The following RUFY3 variants were observed in gnomAD, a reference collection of about 807,000 sequenced individuals.
RUFY3 encodes RUN and FYVE domain containing 3.
In RUFY3, 34 loss-of-function variants were observed where a neutral mutation model predicts 84.0. The observed-to-expected ratio is 0.40, with a 90% CI of 0.31 to 0.54. The LOEUF is 0.54. RUFY3 is among the 20% of genes least tolerant of loss of function. RUFY3 has a pLI of 0.39. For missense variants in RUFY3, 507 were observed against 736.8 expected (o/e 0.69, Z 3.61); for synonymous variants, 242 against 252.9 (o/e 0.96, Z 0.41).
At chr4:70,732,989 C>A (rs1048508842) in intron 1 of RUFY3, among the ~76,000 whole-genome samples, 1 of 151,532 alleles carries the variant, frequency 6.6e-6, no homozygotes, top group Non-Finnish European at 1.5e-5. Context: ...ATCACTTGAA[C>A]TCGGGAGGCG....
chr4:70,789,784 C>A, intron 12 of RUFY3, 192 bp downstream of exon 12: 1 of 1,220,860 alleles, frequency 8.2e-7, no homozygotes, highest in Non-Finnish European at 1.0e-6. Flanking sequence ...TAGGAAATGT[C>A]AATCACTTGA....
At chr4:70,718,429 G>A (rs528283581), upstream of RUFY3, among the ~76,000 whole-genome samples, 2 of 152,204 alleles carry the variant, frequency 1.3e-5, no homozygotes, top group South Asian at 2.1e-4. Context: ...CAGCTAGAAC[G>A]TAGTATTTTT....
chr4:70,796,339 T>C (rs1731501364), intron 14 of RUFY3, among the ~76,000 whole-genome samples: 1 of 152,262 alleles, frequency 6.6e-6, no homozygotes, highest in Non-Finnish European at 1.5e-5. Flanking sequence ...CGTCTGCTTT[T>C]GCTTTGATTG....
intron 1 of RUFY3, chr4:70,734,366 T>G: frequency 1.0e-6 from 1 of 984,416 alleles, no homozygotes; most frequent in Non-Finnish European, 1.2e-6. Context: ...CTTGGTGAGA[T>G]TACAGAAACA....
At chr4:70,797,942 T>A (rs1267219988) in intron 14 of RUFY3, among the ~76,000 whole-genome samples, 1 of 152,232 alleles carries the variant, frequency 6.6e-6, no homozygotes, top group East Asian at 1.9e-4. Context: ...TACAAAAGTT[T>A]ACTTAAAATC....
chr4:70,720,743 AAAAC>A (rs1008990120), upstream of RUFY3, among the ~76,000 whole-genome samples: 21 of 152,208 alleles, frequency 1.4e-4, no homozygotes, highest in Non-Finnish European at 1.8e-4. Flanking sequence ...CTTCAATACA[AAAAC>A]AAACAAACAC....
chr4:70,791,768 CTG>C, intron 12 of RUFY3: 2 of 988,866 alleles, frequency 2.0e-6, no homozygotes, highest in Non-Finnish European at 2.4e-6. Context: ...TAAAATAGTT[CTG>C]TGTCTCTTAG....
At chr4:70,774,379 C>T (rs1727475791) in intron 6 of RUFY3, among the ~76,000 whole-genome samples, 1 of 150,152 alleles carries the variant, frequency 6.7e-6, no homozygotes, top group Non-Finnish European at 1.5e-5. Context: ...GAGGCCGAGG[C>T]AGGCAGATGA....
rs370105365 is a variant in RUFY3, at chr4:70,806,475, T to C, written c.1720-41T>C. ...TTATATCCCATGAATCCTTATGCCT[T>C]GCTCATCTTCTATTCCCCGCCTAAC... On this transcript the variant is annotated intron_variant, in intron 17 of 17. Coordinates refer to ENST00000381006, the MANE Select transcript of RUFY3 (RefSeq NM_001037442.4). The C allele has an allele frequency of 4.7e-5, 75 of 1,610,642 alleles. No homozygotes were observed. The South Asian group carries it at 7.6e-4, about 16-fold the overall frequency.
At chr4:70,733,285 T>C (rs1450293861) in intron 1 of RUFY3, among the ~76,000 whole-genome samples, 1 of 152,194 alleles carries the variant, frequency 6.6e-6, no homozygotes, top group East Asian at 1.9e-4. Context: ...CTGTATATTA[T>C]TTGGAAAATA....
chr4:70,717,571 G>A (rs979970145), upstream of RUFY3, among the ~76,000 whole-genome samples: 3 of 152,070 alleles, frequency 2.0e-5, no homozygotes, highest in Non-Finnish European at 4.4e-5. Flanking sequence ...ATTTCATGAA[G>A]AGACTTTGCG....
chr4:70,795,085 C>G (rs1056138229), intron 14 of RUFY3, among the ~76,000 whole-genome samples, 191 bp downstream of exon 14: 1 of 152,134 alleles, frequency 6.6e-6, no homozygotes, highest in East Asian at 1.9e-4. Flanking sequence ...AGGATACTTT[C>G]TCCAACTTGA....
chr4:70,729,515 C>T (rs1718866083), intron 1 of RUFY3, among the ~76,000 whole-genome samples: 1 of 152,144 alleles, frequency 6.6e-6, no homozygotes, highest in African/African-American at 2.4e-5. Flanking sequence ...ACCTCTGTCT[C>T]CCAAAGTGCT....
chr4:70,772,238 A>G (rs966198364), intron 5 of RUFY3, among the ~76,000 whole-genome samples: 2 of 151,988 alleles, frequency 1.3e-5, no homozygotes, highest in African/African-American at 4.8e-5. Flanking sequence ...TCCAAAGGAG[A>G]TTATTTCCAG....
intron 1 of RUFY3, among the ~76,000 whole-genome samples, chr4:70,755,950 C>G (rs1723942230): frequency 7.3e-6 from 1 of 137,134 alleles, no homozygotes; most frequent in Non-Finnish European, 1.5e-5. Flanking sequence ...GATTCTGTCT[C>G]GAAAAAAAAA....
chr4:70,768,740 A>T, intron 5 of RUFY3, 79 bp downstream of exon 5: 1 of 1,363,126 alleles, frequency 7.3e-7, no homozygotes, highest in Non-Finnish European at 1.0e-6. Context: ...AGGTTATACC[A>T]ACCAAATTAG....
chr4:70,717,511 TA>T (rs961013766), upstream of RUFY3, among the ~76,000 whole-genome samples: 4 of 152,088 alleles, frequency 2.6e-5, no homozygotes, highest in African/African-American at 4.8e-5. Context: ...TGGAGGCTGA[TA>T]AAAAAAATTT....
At chr4:70,729,556 GT>G (rs1259190856) in intron 1 of RUFY3, among the ~76,000 whole-genome samples, 1 of 152,058 alleles carries the variant, frequency 6.6e-6, no homozygotes, top group Non-Finnish European at 1.5e-5. Flanking sequence ...TCATGCTTGA[GT>G]TTTTCTCTCC....
chr4:70,762,831 A>G, intron 2 of RUFY3, 139 bp downstream of exon 2: 1 of 730,840 alleles, frequency 1.4e-6, no homozygotes, highest in East Asian at 2.7e-5. Context: ...GCAGTCTTTT[A>G]TAGGAGCAGG....
Sources: allele counts gnomAD v4.1 joint callset (sites outside exome capture counted in the v4.1 genomes callset), GRCh38; gene constraint gnomAD v4.1.1; transcripts MANE v1.5; gene names NCBI Gene and HGNC (gene_info 2026-07-23, HGNC 2026-07-21).